Variants in IQCJ observed in about 807,000 individuals in gnomAD.
IQCJ encodes IQ domain-containing protein J.
IQCJ carries 9 observed loss-of-function variants against 11.0 expected under a neutral mutation model. The observed-to-expected ratio is 0.82, with a 90% confidence interval of 0.49 to 1.43. The LOEUF (loss-of-function observed/expected upper bound fraction) is 1.43, where lower values mean the gene tolerates loss of function less well. Ranked by LOEUF, IQCJ falls within the 40% of genes most tolerant of loss-of-function variation. The pLI is 0.00. For missense variants in IQCJ, 146 were observed against 133.2 expected, an observed-to-expected ratio of 1.10 and a Z score of -0.47; for synonymous variants, 55 against 51.3, an observed-to-expected ratio of 1.07 and a Z score of -0.31.
At chr3:159,115,249 T>C (rs981890350) in intron 1 of IQCJ, among the ~76,000 whole-genome samples, 1 of 152,208 alleles carries the variant, frequency 6.6e-6, no homozygotes, top group Non-Finnish European at 1.5e-5. Flanking sequence ...CTTCCATGGC[T>C]CTGTCATCTT....
At chr3:159,094,497 G>A (rs1215766578) in intron 1 of IQCJ, among the ~76,000 whole-genome samples, 1 of 133,698 alleles carries the variant, frequency 7.5e-6, no homozygotes, top group East Asian at 2.3e-4. Flanking sequence ...TTTGATTCTA[G>A]AGCCAGCATA....
chr3:159,178,606 C>T (rs1459848442), intron 1 of IQCJ, among the ~76,000 whole-genome samples: 1 of 152,206 alleles, frequency 6.6e-6, no homozygotes, highest in Admixed American at 6.5e-5. Context: ...ATGTTGCACC[C>T]TTGCGTTGTA....
intron 2 of IQCJ, among the ~76,000 whole-genome samples, chr3:159,250,563 A>G (rs1461692883): frequency 1.3e-5 from 2 of 152,208 alleles, no homozygotes; most frequent in African/African-American, 2.4e-5. Context: ...CGCCTCAGGA[A>G]ACTTGCAATC....
chr3:159,255,656 T>G (rs201361625), intron 3 of IQCJ, among the ~76,000 whole-genome samples: 2 of 151,622 alleles, frequency 1.3e-5, no homozygotes, highest in East Asian at 3.9e-4. Flanking sequence ...TTGAAGGGAG[T>G]GTCACAAAGG....
At chr3:159,221,175 G>C (rs1352242347) in intron 1 of IQCJ, among the ~76,000 whole-genome samples, 1 of 152,074 alleles carries the variant, frequency 6.6e-6, no homozygotes, top group East Asian at 1.9e-4. Flanking sequence ...AGTTAGAAAA[G>C]GCCAGAATTC....
At chr3:159,237,060 C>T (rs1726637345) in intron 1 of IQCJ, among the ~76,000 whole-genome samples, 1 of 152,136 alleles carries the variant, frequency 6.6e-6, no homozygotes, top group Non-Finnish European at 1.5e-5. Flanking sequence ...AAGTAAATTG[C>T]AGATTGTTTT....
chr3:159,209,640 G>A (rs961714961), intron 1 of IQCJ, among the ~76,000 whole-genome samples: 2 of 152,176 alleles, frequency 1.3e-5, no homozygotes, highest in Non-Finnish European at 2.9e-5. Context: ...TGCTGTGGGC[G>A]GGTACGGGGG....
At chr3:159,217,061 T>C (rs552241512) in intron 1 of IQCJ, among the ~76,000 whole-genome samples, 48 of 152,284 alleles carry the variant, frequency 3.2e-4, no homozygotes, top group African/African-American at 1.1e-3. Context: ...ATCTTGCAGA[T>C]AATGCCAAGT....
In IQCJ at chr3:159,210,739, C is replaced by T. The variant is rs541484860; in HGVS notation, c.10-35104C>T. On this transcript the variant is annotated intron_variant, in intron 1 of 3. Transcript: ENST00000397832. The stretch of plus-strand genomic sequence containing the variant: ...AGGCTGGAGTGCAGTGGCCCAATCT[C>T]GGCCCACTGCAACCTCCCCCTCCCG... 2.6e-4 allele frequency among the ~76,000 whole-genome samples: 39 copies of T among 152,236 alleles called. No homozygotes were observed. In the East Asian group the frequency reaches 3.3e-3, roughly 13 times the overall value.
intron 1 of IQCJ, among the ~76,000 whole-genome samples, chr3:159,188,606 A>G (rs1723509161): frequency 6.6e-6 from 1 of 152,178 alleles, no homozygotes; most frequent in Non-Finnish European, 1.5e-5. Flanking sequence ...ACCAATATTA[A>G]GACATTATTA....
intron 1 of IQCJ, among the ~76,000 whole-genome samples, chr3:159,092,561 G>A (rs1717392984): frequency 6.6e-6 from 1 of 151,716 alleles, no homozygotes; most frequent in African/African-American, 2.4e-5. Flanking sequence ...AGCCAGGCGT[G>A]GTGACAGGCA....
chr3:159,157,416 T>C (rs1202899160), intron 1 of IQCJ, among the ~76,000 whole-genome samples: 2 of 152,202 alleles, frequency 1.3e-5, no homozygotes, highest in Non-Finnish European at 2.9e-5. Flanking sequence ...CTTTATCTTC[T>C]TAACAAAAAC....
At chr3:159,258,931 G>T (rs1018892358) in intron 3 of IQCJ, among the ~76,000 whole-genome samples, 2 of 152,176 alleles carry the variant, frequency 1.3e-5, no homozygotes, top group South Asian at 2.1e-4. Context: ...CCTGCTTCCT[G>T]CCTGGTGTCT....
chr3:159,189,036 G>A (rs1452642071), intron 1 of IQCJ, among the ~76,000 whole-genome samples: 2 of 152,090 alleles, frequency 1.3e-5, no homozygotes, highest in Non-Finnish European at 2.9e-5. Flanking sequence ...AGCCTTTGGG[G>A]ACTTCATGGC....
chr3:159,142,644 C>T (rs1720684950), intron 1 of IQCJ, among the ~76,000 whole-genome samples: 1 of 152,200 alleles, frequency 6.6e-6, no homozygotes, highest in African/African-American at 2.4e-5. Context: ...TCTCGAACTC[C>T]TGACGTCAGG....
intron 1 of IQCJ, among the ~76,000 whole-genome samples, chr3:159,182,482 C>A (rs1723145554): frequency 6.6e-6 from 1 of 152,030 alleles, no homozygotes; most frequent in African/African-American, 2.4e-5. Context: ...ACTCCTCAGA[C>A]ACCGAGTTAA....
Position 159,262,993 on chromosome 3 carries a change from C to A in IQCJ, c.*262C>A. ...AATAGCATATTTCTTTTAGTATGTG[C>A]TGTGTGTTTCTTTTATTGTGTGGTG... On this transcript the variant is annotated 3_prime_UTR_variant, in exon 4 of 4. Coordinates refer to ENST00000397832, the MANE Select transcript of IQCJ (RefSeq NM_001042706.3). 1.8e-6 allele frequency: 2 copies of A among 1,135,968 alleles called. No homozygotes were observed. Among genetic ancestry groups the A allele is most frequent in the Non-Finnish European group, 2.2e-6 (2 of 921,742 alleles). The allele number at this position is 1,135,968 out of a possible 1,614,324, so 70.4% of individuals were successfully genotyped here.
At chr3:159,111,075 A>G (rs1196496144) in intron 1 of IQCJ, among the ~76,000 whole-genome samples, 2 of 152,222 alleles carry the variant, frequency 1.3e-5, no homozygotes, top group Non-Finnish European at 2.9e-5. Context: ...CTCTGGCTGC[A>G]GGCCTCCTGC....
chr3:159,225,851 C>T lies in IQCJ; in HGVS notation c.10-19992C>T, dbSNP rs983996477. Among the ~76,000 whole-genome samples the T allele has an allele frequency of 5.9e-5, 9 of 152,322 alleles. No individual in the cohort carries two copies. The Middle Eastern group carries it at 0.01, about 173-fold the overall frequency. On this transcript the variant is annotated intron_variant, in intron 1 of 3. Coordinates refer to ENST00000397832, the MANE Select transcript of IQCJ (RefSeq NM_001042706.3). ...ATGCCATTCATAAATCCCAGGTTGC[C>T]ATCTATACTTCTGCCTGACCAGCTA...
Sources: gnomAD v4.1 joint callset for allele counts (sites outside exome capture counted in the v4.1 genomes callset) on GRCh38, gnomAD v4.1.1 for gene constraint, MANE v1.5 for transcripts, NCBI Gene and HGNC (gene_info 2026-07-23, HGNC 2026-07-21) for gene names.